The following CTNNA2 variants were observed in gnomAD, a reference collection of about 807,000 sequenced individuals.
CTNNA2 encodes catenin alpha 2.
In CTNNA2, 42 loss-of-function variants were observed where a neutral mutation model predicts 101.0. That is an observed-to-expected ratio of 0.42 (90% CI 0.32 to 0.54). CTNNA2 has a LOEUF of 0.54. Among genes scored for constraint, CTNNA2 ranks in the 20% least tolerant of loss-of-function variants. CTNNA2 has a pLI of 0.14. For synonymous variants in CTNNA2, 450 were observed against 456.4 expected (o/e 0.99, Z 0.18); for missense variants, 871 against 1,223.1 (o/e 0.71, Z 4.29).
intron 1 of CTNNA2, among the ~76,000 whole-genome samples, chr2:79,191,331 G>A (rs187601343): frequency 6.6e-6 from 1 of 152,326 alleles, no homozygotes; most frequent in East Asian, 1.9e-4. Context: ...ACACTGTAAT[G>A]GCATATCATC....
At chr2:80,301,954 ACT>A (rs1676361831) in intron 7 of CTNNA2, 1 of 294,252 alleles carries the variant, frequency 3.4e-6, no homozygotes, top group Non-Finnish European at 6.2e-6. Context: ...CCTTTTTTAC[ACT>A]CTCAGATTCC....
chr2:79,270,600 C>T (rs750040828), intron 2 of CTNNA2, among the ~76,000 whole-genome samples: 1 of 152,006 alleles, frequency 6.6e-6, no homozygotes. Flanking sequence ...ACCTGTTCCT[C>T]TCTATGCAGC....
chr2:79,255,897 C>A (rs1272743852), intron 2 of CTNNA2, among the ~76,000 whole-genome samples: 1 of 152,056 alleles, frequency 6.6e-6, no homozygotes, highest in African/African-American at 2.4e-5. Context: ...AAGTCAAGAG[C>A]AAATTAATTT....
intron 2 of CTNNA2, among the ~76,000 whole-genome samples, chr2:79,724,608 G>C (rs1317315026): frequency 6.6e-6 from 1 of 152,022 alleles, no homozygotes; most frequent in Non-Finnish European, 1.5e-5. Flanking sequence ...GAGGTCAGGA[G>C]ATCAAGACCA....
At chr2:80,130,209 C>T (rs1702340884) in intron 7 of CTNNA2, among the ~76,000 whole-genome samples, 2 of 152,096 alleles carry the variant, frequency 1.3e-5, no homozygotes, top group East Asian at 1.9e-4. Context: ...GCCTGGAAAG[C>T]TTATGTTTAT....
At chr2:79,243,151 C>T (rs1036415605) in intron 2 of CTNNA2, among the ~76,000 whole-genome samples, 2 of 151,750 alleles carry the variant, frequency 1.3e-5, no homozygotes, top group Non-Finnish European at 2.9e-5. Flanking sequence ...TGGGTTGGAG[C>T]ACAGTTATAA....
chr2:80,215,728 C>T (rs540180246), intron 7 of CTNNA2, among the ~76,000 whole-genome samples: 40 of 152,302 alleles, frequency 2.6e-4, no homozygotes, highest in African/African-American at 9.6e-4. Flanking sequence ...CTTGAGGAGG[C>T]AGTCTGTCCG....
At chr2:80,098,433 C>A (rs1700314604) in intron 7 of CTNNA2, among the ~76,000 whole-genome samples, 1 of 152,202 alleles carries the variant, frequency 6.6e-6, no homozygotes, top group Non-Finnish European at 1.5e-5. Context: ...GGTTGCCTCC[C>A]AGTTAGGCTA....
At chr2:79,285,863 C>T (rs1300433269) in intron 2 of CTNNA2, among the ~76,000 whole-genome samples, 9 of 147,290 alleles carry the variant, frequency 6.1e-5, no homozygotes, top group African/African-American at 2.4e-4. Context: ...GTGTTAAAGT[C>T]TCCCATTATT....
At chr2:79,637,815 G>C (rs1347722215) in intron 1 of CTNNA2, among the ~76,000 whole-genome samples, 3 of 152,200 alleles carry the variant, frequency 2.0e-5, no homozygotes, top group Non-Finnish European at 4.4e-5. Flanking sequence ...GAAAAAAACA[G>C]ATTTGGAACA....
chr2:79,410,372 C>G lies in CTNNA2; in HGVS notation c.-135+36359C>G, dbSNP rs1337259979. The stretch of plus-strand genomic sequence containing the variant: ...GAGTGGTGAGAGAGGGCATCCCTGT[C>G]TTGTGCCAGTTTTCAAAGGGAATGC... On this transcript the variant is annotated intron_variant, in intron 4 of 21. Coordinates refer to the CTNNA2 transcript ENST00000466387. Among the ~76,000 whole-genome samples the G allele has an allele frequency of 2.0e-5, 3 of 148,130 alleles. No individual in the cohort carries two copies. In the East Asian group the frequency reaches 6.0e-4, roughly 30 times the overall value.
chr2:80,389,531 C>G (rs889058942), intron 7 of CTNNA2, among the ~76,000 whole-genome samples: 2 of 152,096 alleles, frequency 1.3e-5, no homozygotes, highest in Non-Finnish European at 2.9e-5. Context: ...CTGTCTCACT[C>G]TCAGTAGCTG....
intron 7 of CTNNA2, among the ~76,000 whole-genome samples, chr2:80,075,636 G>A (rs1698661096): frequency 1.3e-5 from 1 of 78,666 alleles, no homozygotes; most frequent in Non-Finnish European, 2.4e-5. Flanking sequence ...ATTTATACAT[G>A]TATAAATATT....
intron 3 of CTNNA2, among the ~76,000 whole-genome samples, chr2:79,836,124 C>T (rs551130336): frequency 6.6e-6 from 1 of 152,144 alleles, no homozygotes; most frequent in South Asian, 2.1e-4. Context: ...CAACTCCTGC[C>T]AATTGGGTTT....
At chr2:80,178,435 G>A (rs1444827136) in intron 7 of CTNNA2, among the ~76,000 whole-genome samples, 1 of 152,164 alleles carries the variant, frequency 6.6e-6, no homozygotes, top group Non-Finnish European at 1.5e-5. Flanking sequence ...AGATGACAGG[G>A]CCTTGTTCCA....
At chr2:79,508,951 T>C (rs575791522), upstream of CTNNA2, among the ~76,000 whole-genome samples, 11 of 131,732 alleles carry the variant, frequency 8.4e-5, no homozygotes, top group African/African-American at 2.8e-4. Context: ...TATTCACCAT[T>C]GCAGTATATA....
At chr2:80,445,913 G>T (rs1167406579) in intron 9 of CTNNA2, among the ~76,000 whole-genome samples, 1 of 152,154 alleles carries the variant, frequency 6.6e-6, no homozygotes, top group African/African-American at 2.4e-5. Flanking sequence ...CTTATAGGAT[G>T]TGTAGCATTG....
At chr2:80,196,260 A>G (rs777297256) in intron 7 of CTNNA2, among the ~76,000 whole-genome samples, 8 of 152,108 alleles carry the variant, frequency 5.3e-5, no homozygotes, top group Non-Finnish European at 1.2e-4. Context: ...CATAGCTTTC[A>G]TCTGTTAGTT....
At chr2:79,463,282 C>G (rs62157005) in intron 4 of CTNNA2, among the ~76,000 whole-genome samples, 2 of 151,628 alleles carry the variant, frequency 1.3e-5, no homozygotes, top group African/African-American at 4.8e-5. Flanking sequence ...ATGATGTGCA[C>G]CTGTAATCTC....
Sources: allele counts gnomAD v4.1 joint callset (sites outside exome capture counted in the v4.1 genomes callset), GRCh38; gene constraint gnomAD v4.1.1; transcripts MANE v1.5; gene names NCBI Gene and HGNC (gene_info 2026-07-23, HGNC 2026-07-21).